Variants in RBM33 observed in about 807,000 individuals in gnomAD.
RBM33 encodes RNA binding motif protein 33.
RBM33 carries 28 observed loss-of-function variants against 132.6 expected under a neutral mutation model. The ratio of observed to expected loss-of-function variants is 0.21; its 90% confidence interval spans 0.16 to 0.29. The LOEUF is 0.29. Ranked by LOEUF, RBM33 falls within the 10% of genes least tolerant of loss-of-function variation. RBM33 has a pLI of 1.00. For synonymous variants in RBM33, 634 were observed against 593.0 expected (o/e 1.07, Z -1.01); for missense variants, 1,291 against 1,518.5 (o/e 0.85, Z 2.49).
chr7:155,738,789 G>A (rs1801217829), intron 11 of RBM33: 1 of 192,506 alleles, frequency 5.2e-6, no homozygotes, highest in Non-Finnish European at 1.1e-5. Flanking sequence ...AAGAGTCTTT[G>A]CATGGAGGGA....
chr7:155,727,484 A>G (rs1800825524), intron 9 of RBM33, among the ~76,000 whole-genome samples: 1 of 152,168 alleles, frequency 6.6e-6, no homozygotes, highest in South Asian at 2.1e-4. Context: ...AAGTTGTGTA[A>G]TTAGAGGGAA....
chr7:155,644,854 G>A lies in RBM33; in HGVS notation c.-23G>A, dbSNP rs2076933474. ...ACCAGCTGGCTTGGTGGGGGAGGCT[G>A]AAGGCCGGGCCCCGCGAGTGCCATG... On this transcript the variant is annotated 5_prime_UTR_variant, in exon 1 of 18. Coordinates refer to ENST00000401878, the MANE Select transcript of RBM33 (RefSeq NM_053043.3). 3 of 1,484,492 alleles carry A rather than the reference G, an allele frequency of 2.0e-6. No homozygotes were observed. Among genetic ancestry groups the A allele is most frequent in the Non-Finnish European group, 2.7e-6 (3 of 1,123,014 alleles). 92.0% of individuals were successfully genotyped at this position (1,484,492 alleles called of 1,614,324 possible).
At position 155,745,749 on chromosome 7, in the gene RBM33, A is replaced by G; in HGVS notation, c.2979+147A>G. 2.5e-6 allele frequency: 2 copies of G among 808,922 alleles called. No individual in the cohort carries two copies. Among genetic ancestry groups the G allele is most frequent in the Non-Finnish European group, 3.8e-6 (2 of 522,250 alleles). The allele number at this position is 808,922 out of a possible 1,614,324, so 50.1% of individuals were successfully genotyped here. On this transcript the variant is annotated intron_variant, in intron 14 of 17. Transcript: ENST00000401878. The surrounding 1 kb of genome is among the most constrained non-coding windows in gnomAD (Gnocchi z 4.1). ...ATCTCTACCTACTTGAAGTTGGTAT[A>G]AGAATTGCCGCTTGACGACAGGCAT...
chr7:155,716,522 A>G (rs1800468312), intron 8 of RBM33, among the ~76,000 whole-genome samples: 1 of 151,956 alleles, frequency 6.6e-6, no homozygotes, highest in African/African-American at 2.4e-5. Flanking sequence ...AGATATTGGC[A>G]TTTAAATTCC....
At chr7:155,765,735 G>A (rs914645077) in intron 15 of RBM33, among the ~76,000 whole-genome samples, 3 of 152,172 alleles carry the variant, frequency 2.0e-5, no homozygotes, top group African/African-American at 7.2e-5. Flanking sequence ...AAGTTCAGCA[G>A]TTTCCTCTTC....
At chr7:155,718,811 A>G (rs1296229850) in intron 9 of RBM33, among the ~76,000 whole-genome samples, 1 of 152,186 alleles carries the variant, frequency 6.6e-6, no homozygotes, top group African/African-American at 2.4e-5. Flanking sequence ...GTGCATGTGT[A>G]TTGTGTGTGA....
intron 6 of RBM33, among the ~76,000 whole-genome samples, chr7:155,706,301 G>A (rs190788309): frequency 1.2e-3 from 185 of 152,298 alleles, no homozygotes; most frequent in Non-Finnish European, 2.6e-3. Context: ...GGACCAGCCT[G>A]GGCAACATGG....
chr7:155,748,451 A>G (rs887234298), intron 14 of RBM33, among the ~76,000 whole-genome samples: 1 of 152,316 alleles, frequency 6.6e-6, no homozygotes, highest in East Asian at 1.9e-4. Flanking sequence ...AGGATTGTTC[A>G]CATGTTTATG....
chr7:155,684,617 T>G (rs1480494467), intron 5 of RBM33, among the ~76,000 whole-genome samples: 4 of 152,214 alleles, frequency 2.6e-5, no homozygotes, highest in African/African-American at 7.2e-5. Flanking sequence ...TGAGAGCACA[T>G]AAACCATGTC....
intron 9 of RBM33, among the ~76,000 whole-genome samples, chr7:155,727,764 G>T (rs1006602752): frequency 1.3e-5 from 2 of 152,120 alleles, no homozygotes; most frequent in Admixed American, 1.3e-4. Flanking sequence ...AAAGGTAACC[G>T]CCCATCCCCG....
chr7:155,709,760 G>T (rs563611365), intron 7 of RBM33, among the ~76,000 whole-genome samples: 1 of 152,210 alleles, frequency 6.6e-6, no homozygotes, highest in Non-Finnish European at 1.5e-5. Flanking sequence ...ATGGGCAAAT[G>T]TGCACAGATG....
At chr7:155,664,243 A>G (rs6960386) in intron 1 of RBM33, among the ~76,000 whole-genome samples, 97,588 of 144,830 alleles carry the variant, frequency 0.67, 32,358 homozygotes, top group South Asian at 0.78. Context: ...ATATATATAT[A>G]TGTGTGTGTG....
rs375190162 is a variant in RBM33 at position 155,745,536 on chromosome 7, A to C, written c.2913A>C (p.Thr971=). Residue 971 remains threonine, a synonymous_variant, in exon 14 of 18, where the codon ACA becomes ACC. Transcript: ENST00000401878. The surrounding 1 kb of genome is among the most constrained non-coding windows in gnomAD (Gnocchi z 4.1). ...PGVKRTVTHR[T]NSGGGDGPHI... ...TGAAAAGGACTGTCACGCACAGGAC[A>C]AACAGTGGTGGTGGAGACGGGCCCC... The C allele has an allele frequency of 7.4e-6, 12 of 1,612,136 alleles. No homozygotes were observed. The highest frequency in any genetic ancestry group is 1.0e-5 in the Non-Finnish European group (12 of 1,179,208).
intron 9 of RBM33, among the ~76,000 whole-genome samples, chr7:155,736,690 G>A (rs1304803944): frequency 1.3e-5 from 2 of 152,138 alleles, no homozygotes; most frequent in Non-Finnish European, 2.9e-5. Flanking sequence ...GTTAAGTCAG[G>A]AATTGCTGAT....
intron 1 of RBM33, among the ~76,000 whole-genome samples, chr7:155,662,083 C>G (rs1798666828): frequency 6.6e-6 from 1 of 152,104 alleles, no homozygotes; most frequent in South Asian, 2.1e-4. Context: ...GTGTTCACCC[C>G]TCCGCCGAAG....
intron 3 of RBM33, among the ~76,000 whole-genome samples, chr7:155,673,446 G>GTGTA (rs1554469634): frequency 5.0e-5 from 7 of 139,440 alleles, no homozygotes; most frequent in East Asian, 2.2e-4. Context: ...GTGTGTATGT[G>GTGTA]TATATATACC....
intron 1 of RBM33, among the ~76,000 whole-genome samples, chr7:155,662,084 T>TCCG (rs1337685387): frequency 6.6e-6 from 1 of 152,082 alleles, no homozygotes; most frequent in Non-Finnish European, 1.5e-5. Flanking sequence ...TGTTCACCCC[T>TCCG]CCGCCGAAGC....
chr7:155,658,745 G>A (rs1036252716), intron 1 of RBM33, among the ~76,000 whole-genome samples: 7 of 152,198 alleles, frequency 4.6e-5, no homozygotes, highest in African/African-American at 1.4e-4. Flanking sequence ...TGTGACAGAA[G>A]GTAGTCAAGT....
rs1467099286 is a variant in RBM33, at chr7:155,702,273, T to TG, written c.739+1330dup. Among the ~76,000 whole-genome samples the TG allele has an allele frequency of 6.6e-5, 10 of 152,336 alleles. No individual in the cohort carries two copies. In the South Asian group the frequency reaches 1.4e-3, roughly 22 times the overall value. ...GTGGGAGGACACTAAGCTTCAAAGATGCACAAGATAGCAGTAGTCAACCAA... is the reference window on the plus strand; with the variant it reads ...GTGGGAGGACACTAAGCTTCAAAGATGGCACAAGATAGCAGTAGTCAACCAA... On this transcript the variant is annotated intron_variant, in intron 6 of 17. Coordinates refer to ENST00000401878, the MANE Select transcript of RBM33 (RefSeq NM_053043.3).
Sources: gnomAD v4.1 joint callset for allele counts (sites outside exome capture counted in the v4.1 genomes callset) on GRCh38, gnomAD v4.1.1 for gene constraint, Gnocchi (gnomAD v3.1) non-coding constraint, MANE v1.5 for transcripts, NCBI Gene and HGNC (gene_info 2026-07-23, HGNC 2026-07-21) for gene names.